Variants in BCL2 observed in about 807,000 individuals in gnomAD.
BCL2 encodes the protein apoptosis regulator Bcl-2.
In BCL2, 1 loss-of-function variant was observed where a neutral mutation model predicts 14.2. The observed-to-expected ratio is 0.07, with a 90% CI of 0.02 to 0.33. The LOEUF (loss-of-function observed/expected upper bound fraction) is 0.33, where lower values mean the gene tolerates loss of function less well. Among genes scored for constraint, BCL2 ranks in the 10% least tolerant of loss-of-function variants. The probability of loss-of-function intolerance (pLI) is 0.99; values close to 1 mark genes in which losing one functional copy is unlikely to be tolerated. For synonymous variants in BCL2, 151 were observed against 137.2 expected (o/e 1.10, Z -0.70); for missense variants, 247 against 305.9 (o/e 0.81, Z 1.44).
chr18:63,231,662 A>C (rs946038914), intron 2 of BCL2, among the ~76,000 whole-genome samples: 3 of 152,132 alleles, frequency 2.0e-5, no homozygotes, highest in African/African-American at 7.2e-5. Context: ...TATATGGAAA[A>C]AAAAATTATA....
At chr18:63,290,331 G>A (rs1912609902) in intron 2 of BCL2, among the ~76,000 whole-genome samples, 2 of 152,154 alleles carry the variant, frequency 1.3e-5, no homozygotes, top group African/African-American at 4.8e-5. Context: ...GCTGCATACA[G>A]ACGATACGGA....
intron 2 of BCL2, among the ~76,000 whole-genome samples, chr18:63,271,247 T>A (rs1316170206): frequency 6.6e-6 from 1 of 152,218 alleles, no homozygotes; most frequent in African/African-American, 2.4e-5. Context: ...CCCAGTCTCT[T>A]GGAATTCTTA....
chr18:63,269,933 T>C (rs1568253137), intron 2 of BCL2, among the ~76,000 whole-genome samples: 1 of 152,096 alleles, frequency 6.6e-6, no homozygotes, highest in Non-Finnish European at 1.5e-5. Flanking sequence ...TTTGAGGGGG[T>C]AGAAAGGAAA....
chr18:63,238,772 C>A (rs533987123), intron 2 of BCL2, among the ~76,000 whole-genome samples: 1 of 152,194 alleles, frequency 6.6e-6, no homozygotes, highest in Non-Finnish European at 1.5e-5. Context: ...GTTCTTCCTA[C>A]GCAGAGGGCT....
intron 2 of BCL2, among the ~76,000 whole-genome samples, chr18:63,193,988 T>C (rs960359385): frequency 3.9e-5 from 6 of 152,222 alleles, no homozygotes; most frequent in Admixed American, 2.6e-4. Flanking sequence ...CAACACAGCA[T>C]ATGACATAGT....
Position 63,127,290 on chromosome 18 carries a change from T to C in BCL2, c.*1335A>G, listed in dbSNP as rs771669959. 3.5e-5 allele frequency: 8 copies of C among 231,490 alleles called. No homozygotes were observed. Among genetic ancestry groups the C allele is most frequent in the Non-Finnish European group, 6.0e-5 (7 of 116,926 alleles). The allele number at this position is 231,490 out of a possible 1,614,324, so 14.3% of individuals were successfully genotyped here. A position where few individuals can be genotyped will look rare whatever the true frequency, so the allele number is the denominator to read the frequency against. ...CCAAGGCCACACAGCCAACGTGCCA[T>C]GTGCTACAGCCAAAATGGGCCGTGG... On this transcript the variant is annotated 3_prime_UTR_variant, in exon 3 of 3. Coordinates refer to ENST00000333681, the MANE Select transcript of BCL2 (RefSeq NM_000633.3).
intron 2 of BCL2, among the ~76,000 whole-genome samples, chr18:63,298,181 C>T (rs867492448): frequency 2.6e-5 from 4 of 152,154 alleles, no homozygotes; most frequent in Admixed American, 6.6e-5. Flanking sequence ...GAAGGAACTC[C>T]GAGCTGCAAT....
chr18:63,227,612 T>C (rs764101050), intron 2 of BCL2, among the ~76,000 whole-genome samples: 86 of 152,324 alleles, frequency 5.6e-4, no homozygotes, highest in Non-Finnish European at 9.4e-4. Flanking sequence ...AAAAGTCAAG[T>C]AATTTAATGT....
intron 2 of BCL2, among the ~76,000 whole-genome samples, chr18:63,221,568 G>A (rs72943089): frequency 0.12 from 18,021 of 152,230 alleles, 1,522 homozygotes; most frequent in Non-Finnish European, 0.17. Context: ...AAATGCTCCC[G>A]AAGCCCTGGG....
chr18:63,312,035 T>G (rs1036328452), intron 2 of BCL2, among the ~76,000 whole-genome samples: 4 of 152,228 alleles, frequency 2.6e-5, no homozygotes, highest in African/African-American at 9.6e-5. Context: ...AGGTTAAAGT[T>G]TATAATCACT....
intron 2 of BCL2, among the ~76,000 whole-genome samples, chr18:63,279,923 T>A (rs1170072969): frequency 1.3e-5 from 2 of 152,206 alleles, no homozygotes; most frequent in Admixed American, 6.5e-5. Flanking sequence ...TTGGCTACCA[T>A]AAAACTTAAC....
At chr18:63,192,389 G>A (rs188192754) in intron 2 of BCL2, among the ~76,000 whole-genome samples, 123 of 152,312 alleles carry the variant, frequency 8.1e-4, no homozygotes, top group Admixed American at 6.9e-3. Flanking sequence ...GAGAGCTGAG[G>A]CTTGAGAATC....
At chr18:63,190,201 T>C (rs1909250319) in intron 2 of BCL2, among the ~76,000 whole-genome samples, 1 of 152,068 alleles carries the variant, frequency 6.6e-6, no homozygotes. Flanking sequence ...CTAAAAAGAA[T>C]CCCATGTAAG....
chr18:63,142,668 C>T (rs890519135), intron 2 of BCL2, among the ~76,000 whole-genome samples: 1 of 152,206 alleles, frequency 6.6e-6, no homozygotes, highest in Non-Finnish European at 1.5e-5. Context: ...GGCTTCTTAT[C>T]CACACCATCA....
At chr18:63,180,565 C>A (rs2144641181) in intron 2 of BCL2, among the ~76,000 whole-genome samples, 1 of 151,060 alleles carries the variant, frequency 6.6e-6, no homozygotes, top group South Asian at 2.1e-4. Context: ...GCGTTTTCCA[C>A]TTTCCCAGGC....
At position 63,149,901 on chromosome 18, in the gene BCL2, C is replaced by T. The variant is rs1184245951; in HGVS notation, c.586-21142G>A. On this transcript the variant is annotated intron_variant, in intron 2 of 2. Coordinates refer to ENST00000333681, the MANE Select transcript of BCL2 (RefSeq NM_000633.3). The surrounding 1 kb of genome is among the most constrained non-coding windows in gnomAD (Gnocchi z 4.2). The stretch of plus-strand genomic sequence containing the variant: ...TATTTATTTATTTATTTTGAGACAG[C>T]GTCTCCCTCTGTCAGTTACCCAGGC... 1.3e-5 allele frequency among the ~76,000 whole-genome samples: 2 copies of T among 150,776 alleles called. No individual in the cohort carries two copies. The highest frequency in any genetic ancestry group is 1.5e-5 in the Non-Finnish European group (1 of 67,812).
chr18:63,128,475 G>C lies in BCL2; in HGVS notation c.*150C>G. On this transcript the variant is annotated 3_prime_UTR_variant, in exon 3 of 3. Coordinates refer to ENST00000333681, the MANE Select transcript of BCL2 (RefSeq NM_000633.3). Reference sequence around the variant, plus strand: ...AGACTGTTAATTGTTGTGTGTGTGTGTGTCTGTCTGTGTGTGTGATGTTTA... The same window carrying C: ...AGACTGTTAATTGTTGTGTGTGTGTCTGTCTGTCTGTGTGTGTGATGTTTA... The C allele has an allele frequency of 3.5e-6, 2 of 571,964 alleles. No individual in the cohort carries two copies. Among genetic ancestry groups the C allele is most frequent in the Middle Eastern group, 2.8e-4 (1 of 3,630 alleles). The allele number at this position is 571,964 out of a possible 1,614,324, so 35.4% of individuals were successfully genotyped here.
intron 2 of BCL2, among the ~76,000 whole-genome samples, chr18:63,187,120 C>T (rs1368989888): frequency 1.3e-5 from 2 of 152,226 alleles, no homozygotes; most frequent in Non-Finnish European, 2.9e-5. Flanking sequence ...CTACAGTTTT[C>T]ATCTTGCCCT....
intron 2 of BCL2, among the ~76,000 whole-genome samples, chr18:63,272,170 TCCCTGCTGA>T (rs1912020533): frequency 6.6e-6 from 1 of 152,164 alleles, no homozygotes; most frequent in East Asian, 1.9e-4. Flanking sequence ...TTTCTCTCTG[TCCCTGCTGA>T]CCCAGGCTGG....
Sources: allele counts gnomAD v4.1 joint callset (sites outside exome capture counted in the v4.1 genomes callset), GRCh38; gene constraint gnomAD v4.1.1; non-coding constraint Gnocchi (gnomAD v3.1); transcripts MANE v1.5; gene names NCBI Gene and HGNC (gene_info 2026-07-23, HGNC 2026-07-21).